The following FAM171A1 variants were observed in gnomAD, a reference collection of about 807,000 sequenced individuals.
FAM171A1 encodes protein FAM171A1.
FAM171A1 carries 23 observed loss-of-function variants against 74.9 expected under a neutral mutation model. That is an observed-to-expected ratio of 0.31 (90% CI 0.22 to 0.44). The LOEUF is 0.44. FAM171A1 is among the 20% of genes least tolerant of loss of function. The pLI, the probability that FAM171A1 is intolerant of heterozygous loss-of-function variation, is 1.00. For synonymous variants in FAM171A1, 527 were observed against 505.7 expected (o/e 1.04, Z -0.57); for missense variants, 1,162 against 1,159.2 (o/e 1.00, Z -0.03).
chr10:15,248,144 C>T (rs997861360), intron 5 of FAM171A1, among the ~76,000 whole-genome samples: 1 of 152,148 alleles, frequency 6.6e-6, no homozygotes, highest in Admixed American at 6.5e-5. Flanking sequence ...CTAATACCTA[C>T]GTGCACTGTG....
intron 1 of FAM171A1, among the ~76,000 whole-genome samples, chr10:15,319,645 C>T (rs558579820): frequency 1.7e-3 from 264 of 152,286 alleles, no homozygotes; most frequent in Non-Finnish European, 2.3e-3. Flanking sequence ...GTTGGCCAGG[C>T]TGGTCTCGAA....
chr10:15,366,248 T>C (rs1836060674), intron 1 of FAM171A1, among the ~76,000 whole-genome samples: 1 of 151,966 alleles, frequency 6.6e-6, no homozygotes, highest in African/African-American at 2.4e-5. Context: ...GCCTCCCGAG[T>C]AGCTGGGATT....
intron 1 of FAM171A1, among the ~76,000 whole-genome samples, chr10:15,361,413 C>T (rs1835992644): frequency 6.6e-6 from 1 of 152,194 alleles, no homozygotes; most frequent in Admixed American, 6.5e-5. Context: ...CCAAGGGTAG[C>T]AACTCATGCC....
At chr10:15,232,044 G>A (rs998870401) in intron 5 of FAM171A1, among the ~76,000 whole-genome samples, 1 of 152,146 alleles carries the variant, frequency 6.6e-6, no homozygotes, top group African/African-American at 2.4e-5. Context: ...AGTGAGCCAC[G>A]GTCATGCCAC....
At chr10:15,356,231 T>A (rs941958468) in intron 1 of FAM171A1, among the ~76,000 whole-genome samples, 4 of 149,928 alleles carry the variant, frequency 2.7e-5, no homozygotes, top group African/African-American at 9.8e-5. Flanking sequence ...TATATATATA[T>A]AAATACATAC....
chr10:15,235,745 T>C (rs1834279923), intron 5 of FAM171A1, among the ~76,000 whole-genome samples: 2 of 152,196 alleles, frequency 1.3e-5, no homozygotes, highest in South Asian at 4.1e-4. Context: ...TTGTAAAAGA[T>C]CATGATCAAA....
intron 5 of FAM171A1, among the ~76,000 whole-genome samples, chr10:15,223,825 T>G (rs1415424903): frequency 6.6e-6 from 1 of 152,114 alleles, no homozygotes; most frequent in African/African-American, 2.4e-5. Flanking sequence ...CTTGAACCTG[T>G]GAGGCGGAGG....
At chr10:15,252,231 G>C (rs1834518564) in intron 4 of FAM171A1, among the ~76,000 whole-genome samples, 1 of 152,170 alleles carries the variant, frequency 6.6e-6, no homozygotes, top group Non-Finnish European at 1.5e-5. Flanking sequence ...GAGCTAGAAA[G>C]AGAAGATGCT....
At chr10:15,261,298 G>C (rs1834653548) in intron 3 of FAM171A1, among the ~76,000 whole-genome samples, 1 of 152,192 alleles carries the variant, frequency 6.6e-6, no homozygotes. Context: ...TCTTTTCTGA[G>C]ATGCCATTTA....
intron 1 of FAM171A1, among the ~76,000 whole-genome samples, chr10:15,312,673 G>GTTTTTTTTTTTTTTTTT (rs1169098742): frequency 8.2e-5 from 3 of 36,382 alleles, no homozygotes; most frequent in African/African-American, 2.3e-4. Context: ...AGCACTGTGT[G>GTTTTTTTTTTTTTTTTT]TTTTTTTTTT....
chr10:15,239,225 A>G (rs562142027), intron 5 of FAM171A1, among the ~76,000 whole-genome samples: 2 of 152,388 alleles, frequency 1.3e-5, no homozygotes, highest in South Asian at 4.1e-4. Context: ...CCTTTGACAG[A>G]CATGGGAAGG....
chr10:15,325,545 T>G (rs1271159057), intron 1 of FAM171A1, among the ~76,000 whole-genome samples: 1 of 152,128 alleles, frequency 6.6e-6, no homozygotes, highest in Admixed American at 6.6e-5. Context: ...TTTTCTTTGC[T>G]TCTTTTCCAG....
At chr10:15,224,071 G>A (rs754239151) in intron 5 of FAM171A1, among the ~76,000 whole-genome samples, 1 of 152,198 alleles carries the variant, frequency 6.6e-6, no homozygotes, top group East Asian at 1.9e-4. Context: ...TCCATTGGCT[G>A]AAGAAGACAT....
chr10:15,319,486 G>T (rs1391638215), intron 1 of FAM171A1, among the ~76,000 whole-genome samples: 1 of 152,188 alleles, frequency 6.6e-6, no homozygotes, highest in Non-Finnish European at 1.5e-5. Flanking sequence ...AGGCTGGAGT[G>T]CAGTGGCACG....
At chr10:15,241,109 C>T (rs1237964950) in intron 5 of FAM171A1, 1 of 152,182 alleles carries the variant, frequency 6.6e-6, no homozygotes, top group Non-Finnish European at 1.5e-5. Context: ...GAACAGAAGT[C>T]CCATCAAACC....
At chr10:15,301,329 T>G (rs1305451368) in intron 1 of FAM171A1, among the ~76,000 whole-genome samples, 1 of 149,642 alleles carries the variant, frequency 6.7e-6, no homozygotes, top group African/African-American at 2.4e-5. Flanking sequence ...CACGCCAACA[T>G]GCCCACACGC....
intron 5 of FAM171A1, among the ~76,000 whole-genome samples, chr10:15,236,820 G>A (rs11259568): frequency 0.072 from 10,948 of 152,214 alleles, 466 homozygotes; most frequent in Middle Eastern, 0.17. Context: ...ACTGGGCGTG[G>A]TGGCTCACTG....
chr10:15,270,126 A>G (rs191418239), intron 3 of FAM171A1, among the ~76,000 whole-genome samples: 133 of 152,274 alleles, frequency 8.7e-4, no homozygotes, highest in Non-Finnish European at 1.5e-3. Context: ...TCCCTTTCCT[A>G]GCCAAGGGAA....
intron 1 of FAM171A1, among the ~76,000 whole-genome samples, chr10:15,299,575 A>G (rs1835203802): frequency 6.6e-6 from 1 of 152,042 alleles, no homozygotes. Flanking sequence ...TAAGATGACG[A>G]TGATGATGAT....
Sources: allele counts gnomAD v4.1 joint callset (sites outside exome capture counted in the v4.1 genomes callset), GRCh38; gene constraint gnomAD v4.1.1; transcripts MANE v1.5; gene names NCBI Gene and HGNC (gene_info 2026-07-23, HGNC 2026-07-21).